The following ZNRF3 variants were observed in gnomAD, a reference collection of about 807,000 sequenced individuals.
ZNRF3 encodes the protein E3 ubiquitin-protein ligase ZNRF3.
In ZNRF3, 23 loss-of-function variants were observed where a neutral mutation model predicts 72.5. The ratio of observed to expected loss-of-function variants is 0.32; its 90% CI spans 0.23 to 0.45. The LOEUF is 0.45. Among genes scored for constraint, ZNRF3 ranks in the 20% least tolerant of loss-of-function variants. The pLI, the probability that ZNRF3 is intolerant of heterozygous loss-of-function variation, is 1.00. For synonymous variants in ZNRF3, 610 were observed against 545.3 expected, an observed-to-expected ratio of 1.12 and a Z score of -1.65; for missense variants, 1,169 against 1,272.1, an observed-to-expected ratio of 0.92 and a Z score of 1.23.
intron 1 of ZNRF3, among the ~76,000 whole-genome samples, chr22:28,974,186 C>T (rs192120193): frequency 3.2e-4 from 49 of 152,232 alleles, no homozygotes; most frequent in African/African-American, 1.2e-3. Flanking sequence ...TGGTCTCGAT[C>T]TCCTGACCTC....
At chr22:28,887,943 A>C (rs767494506) in intron 1 of ZNRF3, among the ~76,000 whole-genome samples, 24 of 151,494 alleles carry the variant, frequency 1.6e-4, no homozygotes, top group Non-Finnish European at 3.2e-4. Context: ...GAGATGAAAG[A>C]TTGTTTTAAA....
rs762716574 is a variant in ZNRF3 at position 29,049,740 on chromosome 22, A to G, written c.1559A>G (p.His520Arg). 2.7e-5 allele frequency: 43 copies of G among 1,595,282 alleles called. No homozygotes were observed. Among genetic ancestry groups the G allele is most frequent in the Non-Finnish European group, 3.2e-5 (37 of 1,169,374 alleles). ...PTVVHVAPPS[H>R]LESGSTSSFS... is the part of the protein sequence containing the mutation. ...GTGGTGCACGTGGCCCCGCCCTCCC[A>G]CCTGGAGAGCGGCAGCACGTCCAGC... is the stretch of plus-strand genomic sequence containing the variant. The change falls in exon 8 of 9, where the codon CAC becomes CGC. Residue 520 changes from histidine (H) to arginine (R), a missense_variant. This residue lies in a region of ZNRF3 where 783 missense variants were observed against 731.4 expected (regional missense o/e 1.07). Transcript: ENST00000544604. The surrounding 1 kb of genome is among the most constrained non-coding windows in gnomAD (Gnocchi z 5.2).
At chr22:28,956,167 G>T (rs995867547) in intron 1 of ZNRF3, among the ~76,000 whole-genome samples, 1 of 152,034 alleles carries the variant, frequency 6.6e-6, no homozygotes, top group East Asian at 1.9e-4. Context: ...CTCATTGCAG[G>T]CTGCTTTCTG....
intron 2 of ZNRF3, among the ~76,000 whole-genome samples, chr22:29,028,219 A>G (rs1299141708): frequency 6.6e-6 from 1 of 152,196 alleles, no homozygotes; most frequent in Admixed American, 6.5e-5. Context: ...TTTGGATGAA[A>G]TAGTCTTTGA....
chr22:28,919,049 A>G (rs752792101), intron 1 of ZNRF3, among the ~76,000 whole-genome samples: 1 of 152,222 alleles, frequency 6.6e-6, no homozygotes, highest in Non-Finnish European at 1.5e-5. Context: ...AGACGGAACA[A>G]AGCTTGAATG....
chr22:28,951,820 A>C (rs1054256630), intron 1 of ZNRF3, among the ~76,000 whole-genome samples: 2 of 152,154 alleles, frequency 1.3e-5, no homozygotes, highest in African/African-American at 4.8e-5. Context: ...CACGCTAATG[A>C]AGAATGCAAG....
At chr22:29,037,782 A>G (rs1490996649) in intron 2 of ZNRF3, among the ~76,000 whole-genome samples, 4 of 152,166 alleles carry the variant, frequency 2.6e-5, no homozygotes, top group African/African-American at 9.7e-5. Context: ...GCTGGTGCCA[A>G]CCTGCCCTGG....
chr22:29,051,585 CAGA>C (rs1156687491), intron 8 of ZNRF3, among the ~76,000 whole-genome samples: 1 of 135,704 alleles, frequency 7.4e-6, no homozygotes, highest in East Asian at 2.1e-4. Flanking sequence ...GCCTGGGTGA[CAGA>C]GCGAGACTCT....
intron 1 of ZNRF3, among the ~76,000 whole-genome samples, chr22:28,929,219 C>CT (rs148306318): frequency 0.031 from 4,732 of 152,310 alleles, 263 homozygotes; most frequent in African/African-American, 0.11. Context: ...TCAACTATTG[C>CT]TTTTGTTTGT....
chr22:28,885,632 C>T (rs1421246579), intron 1 of ZNRF3, among the ~76,000 whole-genome samples: 1 of 145,104 alleles, frequency 6.9e-6, no homozygotes, highest in African/African-American at 2.5e-5. Flanking sequence ...TAGCGTGGCA[C>T]TTGACTTTTT....
chr22:28,983,078 A>G (rs1484211698), intron 1 of ZNRF3, among the ~76,000 whole-genome samples: 1 of 152,122 alleles, frequency 6.6e-6, no homozygotes, highest in Admixed American at 6.5e-5. Context: ...TACCCTCCAC[A>G]AGAGGGTAAA....
At chr22:28,933,671 G>A (rs2034755497) in intron 1 of ZNRF3, among the ~76,000 whole-genome samples, 2 of 151,088 alleles carry the variant, frequency 1.3e-5, no homozygotes, top group South Asian at 4.2e-4. Context: ...GGTACAGAGA[G>A]TTTGCCTCCT....
intron 2 of ZNRF3, among the ~76,000 whole-genome samples, chr22:28,991,894 A>G (rs2035959604): frequency 6.6e-6 from 1 of 151,962 alleles, no homozygotes; most frequent in Non-Finnish European, 1.5e-5. Context: ...TATAATCTCA[A>G]CACTTTGAGA....
intron 1 of ZNRF3, among the ~76,000 whole-genome samples, chr22:28,966,023 T>C (rs2035452651): frequency 6.6e-6 from 1 of 152,224 alleles, no homozygotes; most frequent in African/African-American, 2.4e-5. Context: ...GTGACTTTAC[T>C]GCATAATAAA....
chr22:28,963,273 C>G (rs1308823713), intron 1 of ZNRF3, among the ~76,000 whole-genome samples: 8 of 152,334 alleles, frequency 5.3e-5, no homozygotes, highest in South Asian at 2.1e-4. Context: ...GAGAGGGAGA[C>G]AGTGACTTGG....
rs188818648 is a variant in ZNRF3 at position 28,915,140 on chromosome 22, A to G, written c.300+31074A>G. Among the ~76,000 whole-genome samples, 3 of 152,366 alleles carry G rather than the reference A, an allele frequency of 2.0e-5. No individual in the cohort carries two copies. In the East Asian group the frequency reaches 5.8e-4, roughly 29 times the overall value. On this transcript the variant is annotated intron_variant, in intron 1 of 8. Transcript: ENST00000544604. ...TATCCTTTGGTTGCTATAACAAAGT[A>G]CCACTGGCTAGGTGGCTTAAATGAC...
chr22:28,980,478 T>C (rs933893155), intron 1 of ZNRF3, among the ~76,000 whole-genome samples: 3 of 152,240 alleles, frequency 2.0e-5, no homozygotes, highest in Non-Finnish European at 4.4e-5. Context: ...CAAATCTCAT[T>C]CCTTCCTTCC....
chr22:28,939,308 C>T (rs2034898214), intron 1 of ZNRF3, among the ~76,000 whole-genome samples: 1 of 150,216 alleles, frequency 6.7e-6, no homozygotes. Flanking sequence ...AACAAAACCT[C>T]AAAATATACT....
At chr22:29,013,337 C>T (rs1214601991) in intron 2 of ZNRF3, among the ~76,000 whole-genome samples, 1 of 152,118 alleles carries the variant, frequency 6.6e-6, no homozygotes, top group Non-Finnish European at 1.5e-5. Flanking sequence ...TAGTAACTTC[C>T]CCTGTTCCAA....
Sources: allele counts gnomAD v4.1 joint callset (sites outside exome capture counted in the v4.1 genomes callset), GRCh38; gene constraint gnomAD v4.1.1; regional missense constraint gnomAD v4.1.1; non-coding constraint Gnocchi (gnomAD v3.1); transcripts MANE v1.5; gene names NCBI Gene and HGNC (gene_info 2026-07-23, HGNC 2026-07-21).